The following ANO4 variants were observed in gnomAD, a reference collection of about 807,000 sequenced individuals.
The protein encoded by ANO4 is anoctamin 4.
A neutral mutation model predicts 141.9 loss-of-function variants in ANO4; 69 were observed. The observed-to-expected ratio is 0.49, with a 90% confidence interval of 0.40 to 0.59. The LOEUF is 0.59. Ranked by LOEUF, ANO4 falls within the 20% of genes least tolerant of loss-of-function variation. The pLI is 0.00. For missense variants in ANO4, 894 were observed against 1,162.2 expected (o/e 0.77, Z 3.36); for synonymous variants, 350 against 394.3 (o/e 0.89, Z 1.33).
chr12:100,915,067 TG>T (rs1446364134), intron 2 of ANO4, among the ~76,000 whole-genome samples: 2 of 152,146 alleles, frequency 1.3e-5, no homozygotes, highest in Non-Finnish European at 2.9e-5. Flanking sequence ...GCAGTCCTCC[TG>T]GCTCAGCCTC....
chr12:100,834,589 T>TAGCAGTGTATAC, intron 1 of ANO4, among the ~76,000 whole-genome samples: 2 of 152,256 alleles, frequency 1.3e-5, no homozygotes, highest in East Asian at 3.9e-4. Context: ...GCCGTGTATA[T>TAGCAGTGTATAC]AGCAGTGTAT....
intron 1 of ANO4, among the ~76,000 whole-genome samples, chr12:100,892,599 A>G (rs1565978438): frequency 6.6e-6 from 1 of 152,174 alleles, no homozygotes; most frequent in Admixed American, 6.5e-5. Flanking sequence ...TTCCCCAGAT[A>G]CCAAAATGTT....
At chr12:100,735,266 C>T (rs1223297564) in intron 2 of ANO4, among the ~76,000 whole-genome samples, 1 of 152,108 alleles carries the variant, frequency 6.6e-6, no homozygotes, top group Admixed American at 6.6e-5. Flanking sequence ...AATTAAGTGG[C>T]AGGACTTGGT....
chr12:100,805,199 A>G (rs2034930523), intron 1 of ANO4, among the ~76,000 whole-genome samples: 1 of 152,200 alleles, frequency 6.6e-6, no homozygotes, highest in Non-Finnish European at 1.5e-5. Context: ...CATTTATTAA[A>G]TAGGACATTC....
chr12:101,043,636 G>T lies in ANO4; in HGVS notation c.1251+1G>T, dbSNP rs1258896650. 6.2e-7 allele frequency: 1 copy of T among 1,601,168 alleles called. No homozygotes were observed. The highest frequency in any genetic ancestry group is 1.3e-5 in the African/African-American group (1 of 74,760). ...GTCAGACAGCTGTGTATATGCCAAG[G>T]TAATTTCAAACTGTAGCATTTTAGA... On this transcript the variant is annotated splice_donor_variant, in intron 13 of 27. Transcript: ENST00000392977. LOFTEE classifies it high-confidence loss of function.
chr12:100,855,545 T>G (rs1447639932), intron 1 of ANO4, among the ~76,000 whole-genome samples: 2 of 152,176 alleles, frequency 1.3e-5, no homozygotes, highest in Non-Finnish European at 2.9e-5. Context: ...GGCTCTATGA[T>G]AGCCTCTTGA....
intron 1 of ANO4, among the ~76,000 whole-genome samples, chr12:100,851,712 A>G (rs1410242058): frequency 6.6e-6 from 1 of 152,176 alleles, no homozygotes; most frequent in Non-Finnish European, 1.5e-5. Context: ...AATGCAGAGA[A>G]GCAAAGTGAA....
intron 1 of ANO4, among the ~76,000 whole-genome samples, chr12:100,724,228 G>A (rs1160902541): frequency 6.6e-6 from 1 of 152,174 alleles, no homozygotes; most frequent in African/African-American, 2.4e-5. Context: ...TGCTAGAAGT[G>A]GAATCAAAGG....
intron 8 of ANO4, among the ~76,000 whole-genome samples, chr12:101,015,024 A>C (rs1217000834): frequency 1.4e-5 from 2 of 141,368 alleles, no homozygotes; most frequent in Non-Finnish European, 3.1e-5. Context: ...ATGGGGTCTC[A>C]CTATGTTGCC....
At chr12:100,821,318 G>A (rs910623046) in intron 1 of ANO4, among the ~76,000 whole-genome samples, 1 of 151,990 alleles carries the variant, frequency 6.6e-6, no homozygotes, top group Non-Finnish European at 1.5e-5. Flanking sequence ...CAATGAGGAA[G>A]GCCTTGCCTT....
intron 8 of ANO4, among the ~76,000 whole-genome samples, chr12:101,017,784 T>G (rs575515553): frequency 1.4e-4 from 21 of 152,200 alleles, no homozygotes; most frequent in Admixed American, 5.2e-4. Context: ...ACTACTTCCC[T>G]TATGGGTTGA....
chr12:100,905,287 A>C (rs1031157772), intron 2 of ANO4, among the ~76,000 whole-genome samples: 1 of 152,198 alleles, frequency 6.6e-6, no homozygotes, highest in Non-Finnish European at 1.5e-5. Flanking sequence ...CAAGGGAAGA[A>C]GTATAAATGG....
At chr12:100,883,936 A>T (rs2039693402) in intron 1 of ANO4, among the ~76,000 whole-genome samples, 2 of 152,246 alleles carry the variant, frequency 1.3e-5, no homozygotes, top group Admixed American at 6.5e-5. Flanking sequence ...TGGGCCTTAA[A>T]ATACAACGGT....
chr12:101,011,219 T>C (rs1432974286), intron 8 of ANO4, among the ~76,000 whole-genome samples: 1 of 151,964 alleles, frequency 6.6e-6, no homozygotes, highest in African/African-American at 2.4e-5. Flanking sequence ...TTAAAGCCAT[T>C]CACAAATCCA....
At chr12:100,734,140 C>T (rs984636106) in intron 2 of ANO4, among the ~76,000 whole-genome samples, 47 of 152,206 alleles carry the variant, frequency 3.1e-4, no homozygotes, top group African/African-American at 1.1e-3. Flanking sequence ...GTTTTTGTAG[C>T]ACCTGTACTA....
At chr12:100,826,217 G>A (rs1188859261) in intron 1 of ANO4, among the ~76,000 whole-genome samples, 1 of 151,850 alleles carries the variant, frequency 6.6e-6, no homozygotes, top group Non-Finnish European at 1.5e-5. Flanking sequence ...ATGAAAGACG[G>A]AAACATTCAG....
At chr12:101,021,419 C>T (rs1036811177) in intron 9 of ANO4, among the ~76,000 whole-genome samples, 3 of 152,194 alleles carry the variant, frequency 2.0e-5, no homozygotes, top group South Asian at 2.1e-4. Context: ...CCTCCAGTGT[C>T]CCTCCCAGTG....
chr12:101,118,699 T>A (rs911474005), intron 25 of ANO4, among the ~76,000 whole-genome samples: 16 of 152,184 alleles, frequency 1.1e-4, no homozygotes, highest in Non-Finnish European at 4.4e-5. Context: ...GTGAGTGGAC[T>A]GGAGCTTTCT....
At chr12:101,082,768 C>T (rs750579064) in intron 15 of ANO4, among the ~76,000 whole-genome samples, 3 of 151,478 alleles carry the variant, frequency 2.0e-5, no homozygotes, top group Admixed American at 2.0e-4. Flanking sequence ...TCTGTCAGCT[C>T]GTTCCTTGCT....
Sources: gnomAD v4.1 joint callset for allele counts (sites outside exome capture counted in the v4.1 genomes callset) on GRCh38, gnomAD v4.1.1 for gene constraint, MANE v1.5 for transcripts, NCBI Gene and HGNC (gene_info 2026-07-23, HGNC 2026-07-21) for gene names.